Variants in PSMD12 observed in about 807,000 individuals in gnomAD.
PSMD12 encodes 26S proteasome non-ATPase regulatory subunit 12.
Under a neutral mutation model 62.9 loss-of-function variants are expected in PSMD12, and 8 were observed. That is an observed-to-expected ratio of 0.13 (90% CI 0.07 to 0.23). The LOEUF is 0.23. Ranked by LOEUF, PSMD12 falls within the 10% of genes least tolerant of loss-of-function variation. The pLI, the probability that PSMD12 is intolerant of heterozygous loss-of-function variation, is 1.00. For synonymous variants in PSMD12, 173 were observed against 187.4 expected (o/e 0.92, Z 0.63); for missense variants, 424 against 550.2 (o/e 0.77, Z 2.29).
intron 9 of PSMD12, 52 bp from the exon 10 acceptor site, chr17:67,342,315 T>A: frequency 8.4e-7 from 1 of 1,194,184 alleles, no homozygotes; most frequent in Non-Finnish European, 1.2e-6. Context: ...TCAGTAAGTC[T>A]AAAAGTCCAT....
intron 1 of PSMD12, among the ~76,000 whole-genome samples, chr17:67,365,975 C>T (rs959786598): frequency 2.6e-5 from 4 of 152,162 alleles, no homozygotes; most frequent in African/African-American, 9.7e-5. Context: ...TTTCCTGCCC[C>T]TTCTCCTGGC....
chr17:67,360,871 T>C (rs1598578484), intron 1 of PSMD12, among the ~76,000 whole-genome samples: 2 of 152,240 alleles, frequency 1.3e-5, no homozygotes, highest in South Asian at 4.1e-4. Flanking sequence ...AACTATACCG[T>C]TGACAATTTA....
At chr17:67,366,342 AG>A in intron 1 of PSMD12, 69 bp downstream of exon 1, 1 of 1,417,406 alleles carries the variant, frequency 7.1e-7, no homozygotes. Flanking sequence ...AGGCCCCCTG[AG>A]GCCTAAGCAG....
In PSMD12 at chr17:67,356,948, T is replaced by A. The variant is rs574238284; in HGVS notation, c.297+355A>T. Among the ~76,000 whole-genome samples the A allele has an allele frequency of 5.3e-5, 8 of 152,178 alleles. No homozygotes were observed. In the South Asian group the frequency reaches 1.7e-3, roughly 32 times the overall value. On this transcript the variant is annotated intron_variant, in intron 3 of 10. Coordinates refer to ENST00000356126, the MANE Select transcript of PSMD12 (RefSeq NM_002816.5). ...CTGCTTGAGCCCAGGAGGTTGAGGC[T>A]GCAGTCAGTTGTAATCATACCACTG...
rs1295372341 is a variant in PSMD12, at chr17:67,339,965, G to A, written c.*878C>T. On this transcript the variant is annotated 3_prime_UTR_variant, in exon 11 of 11. Coordinates refer to ENST00000356126, the MANE Select transcript of PSMD12 (RefSeq NM_002816.5). ...TATAATGGAACTAAAAGTTCCTACA[G>A]AGATAATGAATTTGGAACAATAATG... 1 of 151,028 alleles carries A rather than the reference G, an allele frequency of 6.6e-6. No homozygotes were observed. The allele number at this position is 151,028 out of a possible 1,614,324, so 9.4% of individuals were successfully genotyped here.
chr17:67,349,570 T>C (rs1230412520), intron 4 of PSMD12, among the ~76,000 whole-genome samples: 1 of 152,212 alleles, frequency 6.6e-6, no homozygotes, highest in African/African-American at 2.4e-5. Context: ...GCAAAATGCC[T>C]TGTGATTATT....
At chr17:67,345,913 C>A in intron 7 of PSMD12, 56 bp from the exon 8 acceptor site, 1 of 1,452,446 alleles carries the variant, frequency 6.9e-7, no homozygotes, top group Admixed American at 1.8e-5. Flanking sequence ...GAAACTTTGA[C>A]AAAAACTGAA....
At chr17:67,353,662 T>A (rs895248935) in intron 3 of PSMD12, among the ~76,000 whole-genome samples, 1 of 152,122 alleles carries the variant, frequency 6.6e-6, no homozygotes, top group Non-Finnish European at 1.5e-5. Flanking sequence ...AAAAATAAAT[T>A]TCGTAGGTAA....
chr17:67,351,202 T>G (rs556648579), intron 3 of PSMD12, among the ~76,000 whole-genome samples: 1 of 151,962 alleles, frequency 6.6e-6, no homozygotes, highest in Non-Finnish European at 1.5e-5. Context: ...CCAACCTGGC[T>G]AACATGGTGA....
rs150318441 is a variant in PSMD12, at chr17:67,339,117, T to C, written c.*1726A>G. ...TTTCTGAACTTTCCAGTTTTGTTTT[T>C]TTTTTTTTGAGACGGAGTCTCACTC... On this transcript the variant is annotated 3_prime_UTR_variant, in exon 11 of 11. Transcript: ENST00000356126. 3 of 152,124 alleles carry C rather than the reference T, an allele frequency of 2.0e-5. No homozygotes were observed. The highest frequency in any genetic ancestry group is 6.6e-5 in the Admixed American group (1 of 15,264). 9.4% of individuals were successfully genotyped at this position (152,124 alleles called of 1,614,324 possible).
intron 9 of PSMD12, among the ~76,000 whole-genome samples, chr17:67,342,691 C>G (rs921536912): frequency 4.6e-5 from 7 of 152,012 alleles, no homozygotes; most frequent in African/African-American, 1.7e-4. Flanking sequence ...AATCCCAGCA[C>G]TTTGGGAGGC....
chr17:67,341,861 T>C (rs2041918148), intron 10 of PSMD12, among the ~76,000 whole-genome samples: 1 of 152,226 alleles, frequency 6.6e-6, no homozygotes, highest in Non-Finnish European at 1.5e-5. Flanking sequence ...TAATGTTCCA[T>C]GAGTCTTACC....
At chr17:67,363,237 G>A (rs750158260) in intron 1 of PSMD12, among the ~76,000 whole-genome samples, 5 of 151,934 alleles carry the variant, frequency 3.3e-5, no homozygotes, top group Admixed American at 6.6e-5. Context: ...CTGCAACCTC[G>A]AACTACTGCG....
intron 1 of PSMD12, among the ~76,000 whole-genome samples, chr17:67,360,044 C>G (rs776129152): frequency 6.6e-6 from 1 of 152,206 alleles, no homozygotes; most frequent in Non-Finnish European, 1.5e-5. Context: ...GGGCTCCTGC[C>G]TCAAGCTCCA....
chr17:67,365,271 A>G (rs1187459687), intron 1 of PSMD12, among the ~76,000 whole-genome samples: 2 of 151,988 alleles, frequency 1.3e-5, no homozygotes, highest in Non-Finnish European at 2.9e-5. Context: ...CAGCTCCAGA[A>G]TCTAGAATCG....
intron 3 of PSMD12, among the ~76,000 whole-genome samples, chr17:67,353,437 A>G (rs1168529428): frequency 4.6e-5 from 7 of 151,922 alleles, no homozygotes; most frequent in African/African-American, 1.4e-4. Flanking sequence ...ACTTCTGAGT[A>G]GCTGGGACTA....
chr17:67,357,627 A>G, intron 1 of PSMD12, 49 bp from the exon 2 acceptor site: 1 of 1,543,452 alleles, frequency 6.5e-7, no homozygotes, highest in Non-Finnish European at 8.9e-7. Context: ...CAAAATGCAA[A>G]TAACTAGTCT....
chr17:67,340,904 G>A lies in PSMD12; in HGVS notation c.1310C>T (p.Ser437Phe), dbSNP rs749334795. 4.4e-6 allele frequency: 7 copies of A among 1,595,122 alleles called. No homozygotes were observed. Among genetic ancestry groups the A allele is most frequent in the South Asian group, 3.5e-5 (3 of 86,840 alleles). ...DWSQKLNSLM[S>F]LVNKTTHLIA... ...GAGATGCGTAGTTTTGTTAACCAGA[G>A]ACATTAATGAGTTCAGTTTCTGAGA... The change falls in exon 11 of 11, where the codon TCT (serine) becomes TTT (phenylalanine). Residue 437 changes from serine (S) to phenylalanine (F), a missense_variant. Physicochemically the swap from Ser to Phe is radical, Grantham distance 155. Coordinates refer to ENST00000356126, the MANE Select transcript of PSMD12 (RefSeq NM_002816.5).
rs991526116 is a variant in PSMD12, at chr17:67,339,660, CTCT to C, written c.*1180_*1182del. 1 of 152,018 alleles carries C rather than the reference CTCT, an allele frequency of 6.6e-6. No homozygotes were observed. The highest frequency in any genetic ancestry group is 2.4e-5 in the African/African-American group (1 of 41,412). The allele number at this position is 152,018 out of a possible 1,614,324, so 9.4% of individuals were successfully genotyped here. On this transcript the variant is annotated 3_prime_UTR_variant, in exon 11 of 11. Transcript: ENST00000356126. ...TTTCTAGAATGCTGTTTTTCTTTTT[CTCT>C]TCATTTGAATTTTTTTAAAGTAGAC...
Sources: allele counts gnomAD v4.1 joint callset (sites outside exome capture counted in the v4.1 genomes callset), GRCh38; gene constraint gnomAD v4.1.1; transcripts MANE v1.5; gene names NCBI Gene and HGNC (gene_info 2026-07-23, HGNC 2026-07-21).